Variants in ZXDC observed in about 807,000 individuals in gnomAD.
ZXDC encodes ZXD family zinc finger C.
In ZXDC, 58 loss-of-function variants were observed where a neutral mutation model predicts 63.6. The ratio of observed to expected loss-of-function variants is 0.91; its 90% CI spans 0.74 to 1.13. The LOEUF (loss-of-function observed/expected upper bound fraction) is 1.13. ZXDC is among the 50% of genes most tolerant of loss of function. The pLI is 0.00. For synonymous variants in ZXDC, 561 were observed against 496.1 expected, an observed-to-expected ratio of 1.13 and a Z score of -1.74; for missense variants, 1,133 against 1,148.9, an observed-to-expected ratio of 0.99 and a Z score of 0.20.
chr3:126,446,632 G>A (rs1290581771), intron 7 of ZXDC, among the ~76,000 whole-genome samples: 1 of 152,122 alleles, frequency 6.6e-6, no homozygotes, highest in African/African-American at 2.4e-5. Context: ...TTGAACAGGA[G>A]GTAAGTGACT....
intron 7 of ZXDC, among the ~76,000 whole-genome samples, chr3:126,444,759 A>G (rs1933818894): frequency 6.6e-6 from 1 of 152,236 alleles, no homozygotes; most frequent in Non-Finnish European, 1.5e-5. Flanking sequence ...AAAGCAAGAA[A>G]TATGACTGAA....
At position 126,472,007 on chromosome 3, in the gene ZXDC, A is replaced by C; in HGVS notation, c.1105T>G (p.Phe369Val). Reference protein sequence around the residue: ...ICDSDSCGWTFTSMSKLLRHR... With the variant: ...ICDSDSCGWTVTSMSKLLRHR... ...CTTAGAAGTTTGGACATGCTGGTGA[A>C]GGTCCAGCCACAGCTGTCAGAGTCA... The change falls in exon 3 of 10, where the codon TTC becomes GTC. Residue 369 changes from phenylalanine (F) to valine (V), a missense_variant. Phe to Val is a conservative substitution (Grantham distance 50). Coordinates refer to ENST00000389709, the MANE Select transcript of ZXDC (RefSeq NM_025112.5). The C allele has an allele frequency of 6.2e-7, 1 of 1,613,724 alleles. No individual in the cohort carries two copies. Among genetic ancestry groups the C allele is most frequent in the Non-Finnish European group, 8.5e-7 (1 of 1,179,878 alleles).
At chr3:126,458,515 G>A (rs1166951504) in intron 7 of ZXDC, 1 of 902,284 alleles carries the variant, frequency 1.1e-6, no homozygotes, top group Admixed American at 6.2e-5. Flanking sequence ...TGGGATTACA[G>A]GTATGAGCCA....
chr3:126,440,526 C>T (rs1276556437), intron 8 of ZXDC: 1 of 985,734 alleles, frequency 1.0e-6, no homozygotes, highest in Non-Finnish European at 1.2e-6. Flanking sequence ...CCTGTTCTGC[C>T]GGTGGCACCA....
rs113813245 is a variant in ZXDC at position 126,460,504 on chromosome 3, CTGCAGCTGCACCAGGGAG to C, written c.2128-785_2128-768del. On this transcript the variant is annotated intron_variant, in intron 6 of 9. Coordinates refer to ENST00000389709, the MANE Select transcript of ZXDC (RefSeq NM_025112.5). ...CTGGCTTCTCTACCTCCACCCACAG[CTGCAGCTGCACCAGGGAG>C]CTTCCATTTCCCAAGGCACCGAGGC... 13,105 of 985,318 alleles carry C rather than the reference CTGCAGCTGCACCAGGGAG, an allele frequency of 0.013. 1,236 individuals carry two copies. The African/African-American group carries it at 0.2, about 15-fold the overall frequency. 61.0% of individuals were successfully genotyped at this position (985,318 alleles called of 1,614,324 possible).
At chr3:126,469,435 CA>C (rs1284793960) in intron 4 of ZXDC, among the ~76,000 whole-genome samples, 1 of 152,224 alleles carries the variant, frequency 6.6e-6, no homozygotes, top group Admixed American at 6.5e-5. Flanking sequence ...ACACTGACAT[CA>C]ACTAAAATCC....
At chr3:126,449,729 T>A (rs1934021933) in intron 7 of ZXDC, among the ~76,000 whole-genome samples, 1 of 152,124 alleles carries the variant, frequency 6.6e-6, no homozygotes, top group Non-Finnish European at 1.5e-5. Context: ...AAGGCCGACC[T>A]TCACCCTCAA....
chr3:126,455,044 G>A, intron 7 of ZXDC: 1 of 985,354 alleles, frequency 1.0e-6, no homozygotes, highest in Non-Finnish European at 1.2e-6. Context: ...GTTTCTAAAT[G>A]ACCCGATTCC....
intron 4 of ZXDC, among the ~76,000 whole-genome samples, chr3:126,470,419 A>G (rs1400816685): frequency 6.6e-6 from 1 of 152,222 alleles, no homozygotes; most frequent in African/African-American, 2.4e-5. Context: ...ATGAGCCAAG[A>G]TCACACCATT....
intron 4 of ZXDC, among the ~76,000 whole-genome samples, chr3:126,470,676 A>T (rs1158046179): frequency 6.6e-6 from 1 of 152,214 alleles, no homozygotes; most frequent in Non-Finnish European, 1.5e-5. Context: ...CCACAGATCT[A>T]ATGAGGATCA....
At chr3:126,439,362 A>T (rs1291272506) in intron 9 of ZXDC, among the ~76,000 whole-genome samples, 1 of 152,154 alleles carries the variant, frequency 6.6e-6, no homozygotes, top group East Asian at 1.9e-4. Flanking sequence ...CTTCCCAGAG[A>T]ATTAACTGGA....
intron 6 of ZXDC, chr3:126,460,515 C>T: frequency 1.0e-6 from 1 of 961,524 alleles, no homozygotes; most frequent in Non-Finnish European, 1.2e-6. Flanking sequence ...TGCAGCTGCA[C>T]CAGGGAGCTT....
chr3:126,452,895 C>T (rs983083634), intron 7 of ZXDC: 4 of 425,512 alleles, frequency 9.4e-6, no homozygotes, highest in Non-Finnish European at 1.3e-5. Context: ...TGCACCACCA[C>T]GCGTGGCTAA....
intron 7 of ZXDC, chr3:126,454,038 A>G: frequency 4.0e-6 from 3 of 744,976 alleles, no homozygotes; most frequent in Non-Finnish European, 4.9e-6. Context: ...GTATATATAT[A>G]GGTAGTACTA....
Position 126,438,192 on chromosome 3 carries a change from C to T in ZXDC, c.*183G>A, listed in dbSNP as rs1458470991. 4 of 632,866 alleles carry T rather than the reference C, an allele frequency of 6.3e-6. No homozygotes were observed. The Admixed American group carries it at 9.9e-5, about 16-fold the overall frequency. 39.2% of individuals were successfully genotyped at this position (632,866 alleles called of 1,614,324 possible). ...CAAAGGCAGTTTCAAAGAGTATAGC[C>T]CGAACTCATTCCTGGTAAAACAAAA... On this transcript the variant is annotated 3_prime_UTR_variant, in exon 10 of 10. Transcript: ENST00000389709.
intron 7 of ZXDC, chr3:126,451,993 A>C (rs934169539): frequency 1.0e-6 from 1 of 984,838 alleles, no homozygotes; most frequent in Non-Finnish European, 1.2e-6. Flanking sequence ...AAAACCTTTA[A>C]CCTCTCATCT....
chr3:126,448,776 A>T (rs1396944963), intron 7 of ZXDC, among the ~76,000 whole-genome samples: 1 of 152,234 alleles, frequency 6.6e-6, no homozygotes, highest in East Asian at 1.9e-4. Context: ...CATCGCCATG[A>T]AACTCCCACG....
chr3:126,474,768 A>G (rs1160786861), intron 1 of ZXDC, among the ~76,000 whole-genome samples, 191 bp downstream of exon 1: 1 of 152,240 alleles, frequency 6.6e-6, no homozygotes, highest in Admixed American at 6.5e-5. Flanking sequence ...GCTACCTGCC[A>G]TCGGAATCCC....
intron 7 of ZXDC, among the ~76,000 whole-genome samples, chr3:126,446,356 A>G (rs1480755429): frequency 6.6e-6 from 1 of 152,122 alleles, no homozygotes; most frequent in Non-Finnish European, 1.5e-5. Context: ...CAGCTATGTG[A>G]CTCAGCTCCC....
Sources: allele counts gnomAD v4.1 joint callset (sites outside exome capture counted in the v4.1 genomes callset), GRCh38; gene constraint gnomAD v4.1.1; transcripts MANE v1.5; gene names NCBI Gene and HGNC (gene_info 2026-07-23, HGNC 2026-07-21).